Variants in DOCK4 observed in about 807,000 individuals in gnomAD.
The protein encoded by DOCK4 is dedicator of cytokinesis protein 4.
Under a neutral mutation model 268.1 loss-of-function variants are expected in DOCK4, and 97 were observed. The ratio of observed to expected loss-of-function variants is 0.36; its 90% CI spans 0.31 to 0.43. DOCK4 has a LOEUF of 0.43. DOCK4 is among the 20% of genes least tolerant of loss of function. The probability of loss-of-function intolerance (pLI) is 1.00; values close to 1 mark genes in which losing one functional copy is unlikely to be tolerated. For missense variants in DOCK4, 2,145 were observed against 2,455.7 expected (o/e 0.87, Z 2.67); for synonymous variants, 954 against 887.2 (o/e 1.08, Z -1.34).
chr7:112,168,117 G>A (rs1190186954), intron 1 of DOCK4, among the ~76,000 whole-genome samples: 3 of 151,866 alleles, frequency 2.0e-5, no homozygotes, highest in African/African-American at 7.2e-5. Context: ...AATAAAGGCT[G>A]CCTGGTACTT....
At chr7:111,851,355 G>A (rs983321076) in intron 23 of DOCK4, among the ~76,000 whole-genome samples, 4 of 147,482 alleles carry the variant, frequency 2.7e-5, no homozygotes, top group African/African-American at 1.0e-4. Context: ...TGAGGCAGGA[G>A]AATCGCTTGA....
At chr7:111,787,614 C>A (rs1259124002) in intron 32 of DOCK4, among the ~76,000 whole-genome samples, 2 of 152,098 alleles carry the variant, frequency 1.3e-5, no homozygotes, top group South Asian at 2.1e-4. Context: ...ATCTATCTAA[C>A]CTATTAGTCA....
chr7:111,973,461 A>ATAAGTTGCAGGAAT, intron 8 of DOCK4, among the ~76,000 whole-genome samples: 1 of 152,152 alleles, frequency 6.6e-6, no homozygotes. Flanking sequence ...CAAATGACAC[A>ATAAGTTGCAGGAAT]TAAGTTGCAG....
chr7:111,803,620 A>T (rs1181048468), intron 30 of DOCK4, among the ~76,000 whole-genome samples: 1 of 152,204 alleles, frequency 6.6e-6, no homozygotes, highest in African/African-American at 2.4e-5. Context: ...ATAGAAAGAA[A>T]AACTTAACCT....
At chr7:111,941,957 A>G (rs1795240221) in intron 10 of DOCK4, among the ~76,000 whole-genome samples, 1 of 152,196 alleles carries the variant, frequency 6.6e-6, no homozygotes, top group South Asian at 2.1e-4. Context: ...CAAACATGCA[A>G]GTTTAACGTT....
Position 111,809,345 on chromosome 7 carries a change from C to A in DOCK4, c.3063G>T (p.Gln1021His). Residue 1021 changes from glutamine (Q) to histidine (H), a missense_variant, in exon 29 of 53, where the codon CAG becomes CAT. Around this residue, in one of 2 missense-constraint regions of DOCK4, gnomAD observed 1,598 missense variants for 1,986.7 expected, o/e 0.80. Coordinates refer to ENST00000428084, the MANE Select transcript of DOCK4 (RefSeq NM_001363540.2). The part of the protein sequence containing the change: ...AVIFINQLCL[Q>H]LEMFTPSKKK... ...TCTTGGAAGGTGTGAACATCTCCAA[C>A]TGCAGACACAACTGGTTTATAAAAA... 6.4e-7 allele frequency: 1 copy of A among 1,567,428 alleles called. No individual in the cohort carries two copies.
chr7:112,160,277 A>G (rs1335527773), intron 1 of DOCK4, among the ~76,000 whole-genome samples: 2 of 152,204 alleles, frequency 1.3e-5, no homozygotes, highest in Non-Finnish European at 2.9e-5. Context: ...AAATGAGATG[A>G]TAAGATGTTT....
intron 1 of DOCK4, among the ~76,000 whole-genome samples, chr7:112,056,150 A>C (rs1396099265): frequency 6.6e-6 from 1 of 152,154 alleles, no homozygotes; most frequent in Non-Finnish European, 1.5e-5. Context: ...GGTAGACTTC[A>C]GCTCTACAAC....
At chr7:111,734,285 T>C (rs918144046) in intron 51 of DOCK4, among the ~76,000 whole-genome samples, 1 of 152,104 alleles carries the variant, frequency 6.6e-6, no homozygotes, top group Admixed American at 6.5e-5. Flanking sequence ...CTGCAACCTC[T>C]GACTTCTGGG....
intron 41 of DOCK4, 71 bp from the exon 42 acceptor site, chr7:111,755,672 G>T: frequency 7.3e-7 from 1 of 1,367,930 alleles, no homozygotes; most frequent in Non-Finnish European, 1.0e-6. Context: ...ACTAGTGTTT[G>T]TCGGTCACTG....
intron 16 of DOCK4, among the ~76,000 whole-genome samples, chr7:111,880,237 T>C (rs1194554042): frequency 6.6e-6 from 1 of 152,176 alleles, no homozygotes; most frequent in Non-Finnish European, 1.5e-5. Context: ...GGCAGCAGAC[T>C]ATTCGGTGGA....
At chr7:111,803,656 G>C (rs566823250) in intron 30 of DOCK4, among the ~76,000 whole-genome samples, 1 of 152,250 alleles carries the variant, frequency 6.6e-6, no homozygotes, top group South Asian at 2.1e-4. Context: ...GCCAACACTG[G>C]AACATTCTAG....
At chr7:111,935,410 AG>A in intron 12 of DOCK4, 129 bp downstream of exon 12, 1 of 769,982 alleles carries the variant, frequency 1.3e-6, no homozygotes. Flanking sequence ...ATGTTCATTG[AG>A]CATTTTTAAA....
At chr7:111,900,247 T>G (rs1459844007) in intron 15 of DOCK4, 127 bp downstream of exon 15, 1 of 1,217,526 alleles carries the variant, frequency 8.2e-7, no homozygotes, top group Non-Finnish European at 1.1e-6. Context: ...CTAATCTTTC[T>G]AGAATGGAAC....
intron 1 of DOCK4, among the ~76,000 whole-genome samples, chr7:112,190,157 C>T (rs1563171586): frequency 1.3e-5 from 2 of 152,150 alleles, no homozygotes; most frequent in African/African-American, 2.4e-5. Context: ...CTTTCTCCCT[C>T]ATCCAAGGAA....
At chr7:111,909,300 A>G (rs1373516912) in intron 13 of DOCK4, among the ~76,000 whole-genome samples, 2 of 152,246 alleles carry the variant, frequency 1.3e-5, no homozygotes, top group Non-Finnish European at 2.9e-5. Flanking sequence ...TCTTGGCCGC[A>G]TAACTGTCTT....
intron 27 of DOCK4, chr7:111,819,428 C>G (rs1801812154): frequency 6.6e-6 from 1 of 152,148 alleles, no homozygotes; most frequent in Admixed American, 6.5e-5. Context: ...TACAGGGGGT[C>G]ATGAGATAGC....
chr7:112,050,472 C>T (rs1805243777), intron 1 of DOCK4, among the ~76,000 whole-genome samples: 1 of 152,126 alleles, frequency 6.6e-6, no homozygotes, highest in Non-Finnish European at 1.5e-5. Flanking sequence ...TAACATTATA[C>T]TAGCCCAGAA....
intron 16 of DOCK4, among the ~76,000 whole-genome samples, chr7:111,890,990 C>T (rs1186193867): frequency 6.6e-6 from 1 of 152,036 alleles, no homozygotes; most frequent in African/African-American, 2.4e-5. Flanking sequence ...ATGGGCAGTA[C>T]CTGCCAATGA....
Sources: gnomAD v4.1 joint callset for allele counts (sites outside exome capture counted in the v4.1 genomes callset) on GRCh38, gnomAD v4.1.1 for gene constraint, gnomAD v4.1.1 regional missense constraint, MANE v1.5 for transcripts, NCBI Gene and HGNC (gene_info 2026-07-23, HGNC 2026-07-21) for gene names.